PI4KA: variants seen among roughly 807,000 people sequenced by gnomAD.
PI4KA encodes the protein PI4-kinase alpha.
In PI4KA, 122 loss-of-function variants were observed where a neutral mutation model predicts 271.4. That is an observed-to-expected ratio of 0.45 (90% confidence interval 0.39 to 0.52). PI4KA has a LOEUF of 0.52. Among genes scored for constraint, PI4KA ranks in the 20% least tolerant of loss-of-function variants. The probability of loss-of-function intolerance (pLI) is 0.00; values close to 1 mark genes in which losing one functional copy is unlikely to be tolerated. For missense variants in PI4KA, 1,969 were observed against 2,769.1 expected (o/e 0.71, Z 6.48); for synonymous variants, 1,041 against 1,078.8 (o/e 0.96, Z 0.69).
At chr22:20,748,347 C>T (rs753536535) in intron 28 of PI4KA, among the ~76,000 whole-genome samples, 1 of 152,252 alleles carries the variant, frequency 6.6e-6, no homozygotes, top group African/African-American at 2.4e-5. Flanking sequence ...CTTGGCCTTG[C>T]GGTCAACAGG....
At chr22:20,847,365 T>C (rs1400990834) in intron 1 of PI4KA, among the ~76,000 whole-genome samples, 7 of 152,142 alleles carry the variant, frequency 4.6e-5, no homozygotes, top group Non-Finnish European at 7.4e-5. Flanking sequence ...GGCAGGAGGA[T>C]TGCTTGAACC....
intron 3 of PI4KA, among the ~76,000 whole-genome samples, chr22:20,827,079 A>G (rs1311359557): frequency 1.3e-5 from 2 of 152,060 alleles, no homozygotes; most frequent in Non-Finnish European, 2.9e-5. Context: ...TTTTTGCTGC[A>G]ATTGCTTTTG....
At chr22:20,813,316 T>TGAC (rs768112642) in intron 8 of PI4KA, 42 bp downstream of exon 8, 10 of 1,086,818 alleles carry the variant, frequency 9.2e-6, no homozygotes, top group Non-Finnish European at 1.3e-5. Flanking sequence ...GCAATTTTAC[T>TGAC]GACATATCCA....
intron 19 of PI4KA, chr22:20,783,857 C>T (rs1032986684): frequency 2.7e-5 from 37 of 1,370,256 alleles, no homozygotes; most frequent in Admixed American, 8.5e-5. Context: ...ACTGTGGGGT[C>T]GGCTCTGCAG....
chr22:20,727,323 G>C lies in PI4KA; in HGVS notation c.4848C>G (p.Asp1616Glu). Residue 1616 changes from aspartate (D) to glutamate (E), a missense_variant, in exon 41 of 55, where the codon GAC (aspartate) becomes GAG (glutamate). Asp to Glu is a conservative substitution (Grantham distance 45, BLOSUM62 2). Around this residue, in one of 13 missense-constraint regions of PI4KA, gnomAD observed 388 missense variants for 521.5 expected, o/e 0.74. Transcript: ENST00000255882. Reference sequence around the variant, plus strand: ...AGAAGTAGGAGAGGCCTGTGGGTGGGTCCGTGGGCGCCCAGCACAGCACAT... The same window carrying C: ...AGAAGTAGGAGAGGCCTGTGGGTGGCTCCGTGGGCGCCCAGCACAGCACAT... ...LSHVLCWAPT[D>E]PPTGLSYFSS... The C allele has an allele frequency of 6.2e-7, 1 of 1,613,378 alleles. No individual in the cohort carries two copies. Among genetic ancestry groups the C allele is most frequent in the Non-Finnish European group, 8.5e-7 (1 of 1,179,968 alleles).
intron 19 of PI4KA, chr22:20,787,130 C>T (rs1412885173): frequency 5.2e-5 from 73 of 1,405,288 alleles, no homozygotes; most frequent in South Asian, 6.9e-5. Context: ...ATTCCAACAA[C>T]GAGAACAGAG....
Position 20,727,414 on chromosome 22 carries a change from GA to G in PI4KA, c.4774-18del. 1 of 1,589,744 alleles carries G rather than the reference GA, an allele frequency of 6.3e-7. No homozygotes were observed. Among genetic ancestry groups the G allele is most frequent in the Non-Finnish European group, 8.6e-7 (1 of 1,167,776 alleles). On this transcript the variant is annotated intron_variant, in intron 40 of 54. Transcript: ENST00000255882. ...GACCAGGAACTGCAGAGAAGGTGGG[GA>G]GATGCTGTGGCTTGGGCAGTCCCGG...
intron 19 of PI4KA, among the ~76,000 whole-genome samples, chr22:20,774,423 T>C (rs1483710304): frequency 2.0e-5 from 3 of 152,218 alleles, no homozygotes; most frequent in Non-Finnish European, 1.5e-5. Context: ...TGATTATGTA[T>C]GAGAATATCC....
intron 7 of PI4KA, among the ~76,000 whole-genome samples, chr22:20,817,668 A>C (rs1921986934): frequency 1.5e-5 from 2 of 132,840 alleles, no homozygotes; most frequent in South Asian, 5.4e-4. Flanking sequence ...CAGAAGGTTG[A>C]AGCTGCGGTG....
intron 23 of PI4KA, among the ~76,000 whole-genome samples, chr22:20,754,718 G>C (rs766212049): frequency 5.9e-5 from 9 of 152,194 alleles, no homozygotes; most frequent in Non-Finnish European, 1.2e-4. Context: ...GAGAGGCCGA[G>C]GTGGGTGGAT....
At chr22:20,789,623 C>T (rs535549572) in intron 19 of PI4KA, among the ~76,000 whole-genome samples, 1 of 152,194 alleles carries the variant, frequency 6.6e-6, no homozygotes, top group Non-Finnish European at 1.5e-5. Flanking sequence ...AGCCACCATG[C>T]CTGGTCTGGA....
At chr22:20,796,017 C>T (rs1934963204) in intron 18 of PI4KA, 129 bp downstream of exon 18, 6 of 843,844 alleles carry the variant, frequency 7.1e-6, no homozygotes, top group African/African-American at 1.7e-5. Flanking sequence ...TTCTTACTTG[C>T]ATTCCAGGCA....
At chr22:20,755,996 A>G (rs1021858472) in intron 23 of PI4KA, among the ~76,000 whole-genome samples, 1 of 152,056 alleles carries the variant, frequency 6.6e-6, no homozygotes, top group Non-Finnish European at 1.5e-5. Flanking sequence ...GGCAGGTGCT[A>G]TCAGCTTGGC....
rs773455475 is a variant in PI4KA at position 20,753,094 on chromosome 22, T to C, written c.2862+16A>G. On this transcript the variant is annotated intron_variant, in intron 24 of 54. Transcript: ENST00000255882. Reference sequence around the variant, plus strand: ...CCTCCAGCAGACAGACACGCATTCATGCTGGAGAGGCTTACTTTATCCGCC... The same window carrying C: ...CCTCCAGCAGACAGACACGCATTCACGCTGGAGAGGCTTACTTTATCCGCC... The C allele has an allele frequency of 1.4e-5, 22 of 1,614,096 alleles. No individual in the cohort carries two copies. The highest frequency in any genetic ancestry group is 7.7e-5 in the South Asian group (7 of 91,084).
rs1266334360 is a variant in PI4KA at position 20,770,518 on chromosome 22, A to AAAAC, written c.2329-4826_2329-4825insGTTT. On this transcript the variant is annotated intron_variant, in intron 19 of 54. Coordinates refer to ENST00000255882, the MANE Select transcript of PI4KA (RefSeq NM_058004.4). ...ACAGAGCAAAAACTCCGTCTCAAAA[A>AAAAC]AAAAAAAAAAAAAAGAGAGAGAGAG... is the stretch of plus-strand genomic sequence containing the variant. Among the ~76,000 whole-genome samples, 3 of 100,742 alleles carry AAAAC rather than the reference A, an allele frequency of 3.0e-5. 1 individual carries two copies. The highest frequency in any genetic ancestry group is 6.0e-5 in the Non-Finnish European group (3 of 50,162). The allele number at this position is 100,742 out of a possible 152,430, so 66.1% of individuals were successfully genotyped here.
chr22:20,808,674 C>T (rs984861423), intron 9 of PI4KA, among the ~76,000 whole-genome samples: 3 of 150,996 alleles, frequency 2.0e-5, no homozygotes, highest in Non-Finnish European at 2.9e-5. Context: ...TATCATAACT[C>T]GTTTTTTTCA....
At chr22:20,820,743 A>C in intron 4 of PI4KA, 132 bp from the exon 5 acceptor site, 2 of 643,320 alleles carry the variant, frequency 3.1e-6, no homozygotes, top group Non-Finnish European at 2.7e-6. Context: ...TCCCTCCACA[A>C]CGACTGTGCC....
chr22:20,822,666 C>G (rs1447386810), intron 4 of PI4KA, among the ~76,000 whole-genome samples: 1 of 152,184 alleles, frequency 6.6e-6, no homozygotes, highest in African/African-American at 2.4e-5. Context: ...CCCTCCAAAC[C>G]ATTTGGCCCT....
chr22:20,736,763 C>A (rs1430863225), intron 32 of PI4KA: 3 of 155,292 alleles, frequency 1.9e-5, no homozygotes, highest in Admixed American at 1.3e-4. Context: ...AATGGAGGGA[C>A]CTCGCTGGCA....
Sources: gnomAD v4.1 joint callset for allele counts (sites outside exome capture counted in the v4.1 genomes callset) on GRCh38, gnomAD v4.1.1 for gene constraint, gnomAD v4.1.1 regional missense constraint, MANE v1.5 for transcripts, NCBI Gene and HGNC (gene_info 2026-07-23, HGNC 2026-07-21) for gene names.